ATP6AP1: variants seen among roughly 807,000 people sequenced by gnomAD.
The protein encoded by ATP6AP1 is V-type proton ATPase subunit S1.
In ATP6AP1, 1 loss-of-function variant was observed where a neutral mutation model predicts 32.0. The observed-to-expected ratio is 0.03, with a 90% CI of 0.01 to 0.15. ATP6AP1 has a LOEUF of 0.15. Ranked by LOEUF, ATP6AP1 falls within the 10% of genes least tolerant of loss-of-function variation. The probability of loss-of-function intolerance (pLI) is 1.00; values close to 1 mark genes in which losing one functional copy is unlikely to be tolerated. For synonymous variants in ATP6AP1, 187 were observed against 174.9 expected, an observed-to-expected ratio of 1.07 and a Z score of -0.55; for missense variants, 297 against 398.8, an observed-to-expected ratio of 0.74 and a Z score of 2.17.
intron 2 of ATP6AP1, chrX:154,429,469 G>A (rs1557196455): frequency 4.1e-6 from 1 of 246,349 alleles, no homozygotes; most frequent in African/African-American, 2.9e-5. Context: ...GGGGATTATC[G>A]TCCCTGTTTG....
chrX:154,431,673 C>T (rs1183437043), intron 2 of ATP6AP1, 157 bp from the exon 3 acceptor site: 23 of 512,252 alleles, frequency 4.5e-5, no homozygotes, highest in Non-Finnish European at 7.1e-5. Context: ...TCTCCCACCC[C>T]ACCCCCACCA....
Position 154,434,303 on chromosome X carries a change from C to T in ATP6AP1, c.780C>T (p.Tyr260=). ...CTGTGATCCATCCTCCTGTGAGTTA[C>T]AATGACACCGCTCCCCGGATCCTGT... ...VSPVIHPPVS[Y]NDTAPRILFW... is the part of the protein sequence containing the mutation. Residue 260 remains tyrosine, a synonymous_variant, in exon 7 of 10, where the codon TAC becomes TAT. Transcript: ENST00000369762. The T allele has an allele frequency of 8.3e-7, 1 of 1,211,849 alleles. No homozygotes were observed. Among genetic ancestry groups the T allele is most frequent in the Non-Finnish European group, 1.1e-6 (1 of 895,507 alleles).
rs1557197568 is a variant in ATP6AP1 at position 154,435,696 on chromosome X, C to T, written c.1218C>T (p.Asn406=). The change falls in exon 10 of 10, where the codon AAC becomes AAT. Residue 406 remains asparagine (N), a synonymous_variant. Coordinates refer to ENST00000369762, the MANE Select transcript of ATP6AP1 (RefSeq NM_001183.6). ...MLQDFQIQAF[N]VMGEQFSYAS... is the part of the protein sequence containing the mutation. ...GTGTCTGCCAGATCCAGGCTTTCAA[C>T]GTAATGGGGGAGCAGTTCTCCTACG... 5.8e-6 allele frequency: 7 copies of T among 1,211,799 alleles called. No individual in the cohort carries two copies. The highest frequency in any genetic ancestry group is 7.8e-6 in the Non-Finnish European group (7 of 895,456).
Position 154,434,461 on chromosome X carries a change from C to G in ATP6AP1, c.923+15C>G, listed in dbSNP as rs2068709382. 6 of 1,193,065 alleles carry G rather than the reference C, an allele frequency of 5.0e-6. No homozygotes were observed. The highest frequency in any genetic ancestry group is 6.8e-6 in the Non-Finnish European group (6 of 879,784). The stretch of plus-strand genomic sequence containing the variant: ...TCCTTTGCCAGGCAAGGGCACTAGG[C>G]TGGGGAGGACTGTGCCACCACAGGT... On this transcript the variant is annotated intron_variant, in intron 7 of 9. Transcript: ENST00000369762.
intron 5 of ATP6AP1, among the ~76,000 whole-genome samples, chrX:154,433,389 T>A (rs2068703975): frequency 1.8e-5 from 2 of 112,169 alleles, no homozygotes; most frequent in African/African-American, 3.2e-5. Context: ...TGTATTGATA[T>A]GTATTTTCTT....
In ATP6AP1 at chrX:154,435,950, C is replaced by T; in HGVS notation, c.*59C>T. ...GTGTCCGTGTTGTTGCTTTCCCACC[C>T]TGCAGCGCACTGGACTGAAGAGCTT... On this transcript the variant is annotated 3_prime_UTR_variant, in exon 10 of 10. Coordinates refer to ENST00000369762, the MANE Select transcript of ATP6AP1 (RefSeq NM_001183.6). 2 of 1,049,826 alleles carry T rather than the reference C, an allele frequency of 1.9e-6. No homozygotes were observed. Among genetic ancestry groups the T allele is most frequent in the Non-Finnish European group, 1.3e-6 (1 of 754,756 alleles). The allele number at this position is 1,049,826 out of a possible 1,213,427, so 86.5% of individuals were successfully genotyped here. A position where few individuals can be genotyped will look rare whatever the true frequency, so the allele number is the denominator to read the frequency against.
chrX:154,432,609 G>A, intron 4 of ATP6AP1, 150 bp downstream of exon 4: 1 of 836,892 alleles, frequency 1.2e-6, no homozygotes, highest in East Asian at 3.5e-5. Flanking sequence ...GTGGCCAGAA[G>A]AGGAGGGGAG....
intron 2 of ATP6AP1, chrX:154,431,085 C>G (rs186229293): frequency 4.5e-5 from 5 of 110,747 alleles, no homozygotes; most frequent in Non-Finnish European, 7.6e-5. Context: ...CTGGGCTTTC[C>G]GACTGAGAAC....
At position 154,436,027 on chromosome X, in the gene ATP6AP1, C is replaced by T. The variant is rs1557197643; in HGVS notation, c.*136C>T. Reference sequence around the variant, plus strand: ...CAAGCTCCCCTCAGCCCATCTTGCTCCCTCTTCAGCCCGCTGAGGAGCTTT... The same window carrying T: ...CAAGCTCCCCTCAGCCCATCTTGCTTCCTCTTCAGCCCGCTGAGGAGCTTT... On this transcript the variant is annotated 3_prime_UTR_variant, in exon 10 of 10. Transcript: ENST00000369762. 1 of 597,239 alleles carries T rather than the reference C, an allele frequency of 1.7e-6. No homozygotes were observed. Among genetic ancestry groups the T allele is most frequent in the African/African-American group, 2.2e-5 (1 of 44,573 alleles). 49.2% of individuals were successfully genotyped at this position (597,239 alleles called of 1,213,427 possible). A position where few individuals can be genotyped will look rare whatever the true frequency, so the allele number is the denominator to read the frequency against.
chrX:154,434,555 G>C lies in ATP6AP1; in HGVS notation c.923+109G>C, dbSNP rs782229961. ...GGTCAGGTCTGTGTTTTGGGGTGGG[G>C]ATGGCCATGGTCTGGTTGGGGTCTG... On this transcript the variant is annotated intron_variant, in intron 7 of 9. Coordinates refer to ENST00000369762, the MANE Select transcript of ATP6AP1 (RefSeq NM_001183.6). The C allele has an allele frequency of 1.1e-5, 9 of 787,812 alleles. No homozygotes were observed. In the African/African-American group the frequency reaches 1.2e-4, roughly 11 times the overall value. 64.9% of individuals were successfully genotyped at this position (787,812 alleles called of 1,213,427 possible). A position where few individuals can be genotyped will look rare whatever the true frequency, so the allele number is the denominator to read the frequency against.
At chrX:154,429,244 G>A in intron 2 of ATP6AP1, 70 bp downstream of exon 2, 1 of 1,146,622 alleles carries the variant, frequency 8.7e-7, no homozygotes, top group Non-Finnish European at 1.2e-6. Context: ...CCATGACACT[G>A]ACGCCCATTC....
chrX:154,436,246 T>C lies in ATP6AP1; in HGVS notation c.*355T>C. 8.3e-6 allele frequency: 2 copies of C among 240,586 alleles called. No homozygotes were observed. The highest frequency in any genetic ancestry group is 1.5e-5 in the Non-Finnish European group (2 of 134,269). 19.8% of individuals were successfully genotyped at this position (240,586 alleles called of 1,213,427 possible). On this transcript the variant is annotated 3_prime_UTR_variant, in exon 10 of 10. Transcript: ENST00000369762. ...TTTTGTGTAGCAAATGCTCCCTCCT[T>C]AAGGTTATAGGGCTCCCTGAGTTTG... is the stretch of plus-strand genomic sequence containing the variant.
rs781936333 is a variant in ATP6AP1, at chrX:154,435,333, G to A, written c.1031G>A (p.Arg344His). 4.7e-5 allele frequency: 57 copies of A among 1,210,365 alleles called. No homozygotes were observed. The highest frequency in any genetic ancestry group is 4.6e-4 in the Middle Eastern group (2 of 4,376). The stretch of plus-strand genomic sequence containing the variant: ...GCCCGGCACTGGTTTACCATGGAGC[G>A]CCTCGAAGTCCACAGCAATGGCTCC... ...VSARHWFTME[R>H]LEVHSNGSVA... The change falls in exon 9 of 10, where the codon CGC (arginine) becomes CAC (histidine). Residue 344 changes from arginine to histidine, a missense_variant. By Grantham distance (29) the Arg-to-His change is conservative. Coordinates refer to ENST00000369762, the MANE Select transcript of ATP6AP1 (RefSeq NM_001183.6).
At chrX:154,431,692 T>C (rs2068694270) in intron 2 of ATP6AP1, 138 bp from the exon 3 acceptor site, 2 of 524,982 alleles carry the variant, frequency 3.8e-6, no homozygotes, top group Admixed American at 5.4e-5. Flanking sequence ...CAACACACAG[T>C]TGTGCTCCAC....
intron 5 of ATP6AP1, 29 bp downstream of exon 5, chrX:154,433,000 C>T (rs1557197091): frequency 8.3e-7 from 1 of 1,205,640 alleles, no homozygotes; most frequent in Admixed American, 2.2e-5. Context: ...GATGCACGTC[C>T]TCATCTAGCC....
At chrX:154,433,742 G>A (rs1557197213) in intron 6 of ATP6AP1, 22 bp downstream of exon 6, 19 of 1,195,202 alleles carry the variant, frequency 1.6e-5, no homozygotes, top group Admixed American at 4.4e-5. Flanking sequence ...TCCAGCAGGG[G>A]CTCTGGGGCG....
intron 4 of ATP6AP1, 91 bp from the exon 5 acceptor site, chrX:154,432,840 G>A: frequency 9.5e-7 from 1 of 1,057,309 alleles, no homozygotes; most frequent in African/African-American, 1.8e-5. Flanking sequence ...CGTGGGGCTA[G>A]TGGGGAGGAG....
Position 154,435,293 on chromosome X carries a change from C to T in ATP6AP1, c.991C>T (p.Leu331Phe), listed in dbSNP as rs782243961. Residue 331 changes from leucine (L) to phenylalanine (F), a missense_variant, in exon 9 of 10, where the codon CTC becomes TTC. Coordinates refer to ENST00000369762, the MANE Select transcript of ATP6AP1 (RefSeq NM_001183.6). ...VTFKFILANRLYPVSARHWFT... is the reference protein window; with the variant it reads ...VTFKFILANRFYPVSARHWFT... ...CCCCAGGTTCATTCTGGCCAACCGC[C>T]TCTACCCAGTGTCTGCCCGGCACTG... 8.3e-7 allele frequency: 1 copy of T among 1,212,047 alleles called. No individual in the cohort carries two copies. The highest frequency in any genetic ancestry group is 3.0e-5 in the East Asian group (1 of 33,853).
chrX:154,433,005 C>T, intron 5 of ATP6AP1, 34 bp downstream of exon 5: 1 of 1,203,593 alleles, frequency 8.3e-7, no homozygotes, highest in Non-Finnish European at 1.1e-6. Context: ...ACGTCCTCAT[C>T]TAGCCCTTGG....
Sources: allele counts gnomAD v4.1 joint callset (sites outside exome capture counted in the v4.1 genomes callset), GRCh38; gene constraint gnomAD v4.1.1; transcripts MANE v1.5; gene names NCBI Gene and HGNC (gene_info 2026-07-23, HGNC 2026-07-21).